The following BCL7B variants were observed in gnomAD, a reference collection of about 807,000 sequenced individuals.
BCL7B encodes the protein BAF chromatin remodeling complex subunit BCL7B.
A neutral mutation model predicts 26.5 loss-of-function variants in BCL7B; 11 were observed. That is an observed-to-expected ratio of 0.42 (90% confidence interval 0.26 to 0.69). The LOEUF is 0.69. BCL7B is among the 30% of genes least tolerant of loss of function. BCL7B has a pLI of 0.28. For missense variants in BCL7B, 215 were observed against 264.4 expected, an observed-to-expected ratio of 0.81 and a Z score of 1.30; for synonymous variants, 111 against 107.9, an observed-to-expected ratio of 1.03 and a Z score of -0.18.
chr7:73,554,904 C>T (rs1481985274), intron 1 of BCL7B, among the ~76,000 whole-genome samples: 2 of 151,444 alleles, frequency 1.3e-5, no homozygotes, highest in Non-Finnish European at 2.9e-5. Context: ...AATTCCTGAA[C>T]AGACCACTCC....
At chr7:73,540,346 G>T in intron 3 of BCL7B, 1 of 326,622 alleles carries the variant, frequency 3.1e-6, no homozygotes, top group Non-Finnish European at 5.9e-6. Flanking sequence ...TCTCTGGTCA[G>T]TACTTCTCAA....
chr7:73,547,046 C>T (rs1387591627), intron 2 of BCL7B, among the ~76,000 whole-genome samples: 6 of 151,828 alleles, frequency 4.0e-5, no homozygotes, highest in Non-Finnish European at 4.4e-5. Flanking sequence ...GCGCTACTCG[C>T]GAGGCTGAGG....
At chr7:73,543,251 A>G (rs1327605915) in intron 3 of BCL7B, among the ~76,000 whole-genome samples, 3 of 150,344 alleles carry the variant, frequency 2.0e-5, no homozygotes, top group Non-Finnish European at 4.4e-5. Flanking sequence ...ATCTCGGCTC[A>G]CCGCAACCTC....
chr7:73,549,400 C>G (rs1554583827), intron 2 of BCL7B, among the ~76,000 whole-genome samples: 2 of 152,194 alleles, frequency 1.3e-5, no homozygotes, highest in Non-Finnish European at 2.9e-5. Flanking sequence ...ATGTTAGAGG[C>G]TGGTGCAGTG....
intron 2 of BCL7B, among the ~76,000 whole-genome samples, chr7:73,546,375 T>C (rs545499884): frequency 6.6e-6 from 1 of 152,156 alleles, no homozygotes; most frequent in African/African-American, 2.4e-5. Flanking sequence ...TATTGAAAAG[T>C]TGTTTTAGCC....
intron 1 of BCL7B, 84 bp from the exon 2 acceptor site, chr7:73,552,326 G>C (rs1339189087): frequency 9.1e-7 from 1 of 1,096,112 alleles, no homozygotes; most frequent in African/African-American, 1.6e-5. Flanking sequence ...CTACTCAGCA[G>C]ATCATTCCTT....
At chr7:73,543,398 G>C in intron 3 of BCL7B, 150 bp downstream of exon 3, 3 of 685,052 alleles carry the variant, frequency 4.4e-6, no homozygotes, top group Admixed American at 2.3e-5. Flanking sequence ...GGCTCGTCTT[G>C]AACTCCTGAC....
chr7:73,545,374 AGCTAATTTT>A (rs1350953537), intron 2 of BCL7B, among the ~76,000 whole-genome samples: 9 of 151,848 alleles, frequency 5.9e-5, no homozygotes, highest in African/African-American at 2.2e-4. Context: ...TACCATGCCC[AGCTAATTTT>A]TTGTATTTTT....
Position 73,557,398 on chromosome 7 carries a change from C to T in BCL7B, c.92+89G>A, listed in dbSNP as rs13234157. 2.0e-5 allele frequency: 24 copies of T among 1,171,380 alleles called. No individual in the cohort carries two copies. The South Asian group carries it at 8.0e-4, about 39-fold the overall frequency. The allele number at this position is 1,171,380 out of a possible 1,614,324, so 72.6% of individuals were successfully genotyped here. ...CGCACCCCCCTCCCCCAGCGCCGGC[C>T]GGTCGGCTCCCACCTGACCCGCCAG... On this transcript the variant is annotated intron_variant, in intron 1 of 5. Transcript: ENST00000223368.
At chr7:73,545,357 C>T (rs537441239) in intron 2 of BCL7B, among the ~76,000 whole-genome samples, 8 of 152,102 alleles carry the variant, frequency 5.3e-5, no homozygotes, top group South Asian at 2.1e-4. Flanking sequence ...GGACTACAGG[C>T]GCCCACTACC....
intron 2 of BCL7B, among the ~76,000 whole-genome samples, chr7:73,544,625 C>T (rs1791889992): frequency 6.6e-6 from 1 of 151,870 alleles, no homozygotes; most frequent in Non-Finnish European, 1.5e-5. Context: ...AACTCCATCT[C>T]AAAAAGAAAC....
chr7:73,556,749 G>A (rs1216001575), intron 1 of BCL7B, among the ~76,000 whole-genome samples: 4 of 152,288 alleles, frequency 2.6e-5, no homozygotes, highest in African/African-American at 4.8e-5. Flanking sequence ...AGCCTCCCAA[G>A]TAAGGATGTG....
intron 1 of BCL7B, chr7:73,557,213 C>A (rs1792395881): frequency 1.9e-6 from 2 of 1,056,380 alleles, no homozygotes; most frequent in Non-Finnish European, 1.1e-6. Context: ...CCAGGCAGCT[C>A]CAGTCCGGGC....
At chr7:73,550,352 C>T (rs1200560884) in intron 2 of BCL7B, among the ~76,000 whole-genome samples, 1 of 152,144 alleles carries the variant, frequency 6.6e-6, no homozygotes, top group Non-Finnish European at 1.5e-5. Context: ...TTGGGACCAA[C>T]CTGGCCAACA....
chr7:73,550,967 A>C (rs1317344688), intron 2 of BCL7B, among the ~76,000 whole-genome samples: 1 of 152,116 alleles, frequency 6.6e-6, no homozygotes, highest in Admixed American at 6.5e-5. Flanking sequence ...CACATATTTA[A>C]GTTTTGTTTA....
chr7:73,547,790 A>G (rs1751881805), intron 2 of BCL7B, among the ~76,000 whole-genome samples: 1 of 152,170 alleles, frequency 6.6e-6, no homozygotes, highest in Non-Finnish European at 1.5e-5. Flanking sequence ...ATTCTAGCAA[A>G]AAGAAAAACA....
At chr7:73,554,540 G>A (rs543007721) in intron 1 of BCL7B, among the ~76,000 whole-genome samples, 2 of 152,002 alleles carry the variant, frequency 1.3e-5, no homozygotes, top group Non-Finnish European at 2.9e-5. Context: ...GCTCACACCT[G>A]CAACCCCAGC....
At position 73,557,563 on chromosome 7, in the gene BCL7B, C is replaced by G. The variant is rs1295157268; in HGVS notation, c.16G>C (p.Val6Leu). MSGRS[V>L]RAETRSRAKD... ...GCCCGGCTGCGGGTCTCCGCCCGGACCGACCGGCCCGACATGGCGGCGGCG... is the reference window on the plus strand; with the variant it reads ...GCCCGGCTGCGGGTCTCCGCCCGGAGCGACCGGCCCGACATGGCGGCGGCG... The change falls in exon 1 of 6, where the codon GTC (valine) becomes CTC (leucine). Residue 6 changes from valine to leucine, a missense_variant. Val to Leu is a conservative substitution (Grantham distance 32). Transcript: ENST00000223368. 6 of 1,361,456 alleles carry G rather than the reference C, an allele frequency of 4.4e-6. No individual in the cohort carries two copies. The highest frequency in any genetic ancestry group is 5.7e-6 in the Non-Finnish European group (6 of 1,044,122). The allele number at this position is 1,361,456 out of a possible 1,614,324, so 84.3% of individuals were successfully genotyped here.
chr7:73,551,533 A>C (rs1198731401), intron 2 of BCL7B, among the ~76,000 whole-genome samples: 1 of 151,728 alleles, frequency 6.6e-6, no homozygotes, highest in Non-Finnish European at 1.5e-5. Context: ...CGAACTCCCG[A>C]CCTCAAGTGA....
Sources: gnomAD v4.1 joint callset for allele counts (sites outside exome capture counted in the v4.1 genomes callset) on GRCh38, gnomAD v4.1.1 for gene constraint, MANE v1.5 for transcripts, NCBI Gene and HGNC (gene_info 2026-07-23, HGNC 2026-07-21) for gene names.